KHDRBS2: variants seen among roughly 807,000 people sequenced by gnomAD.
KHDRBS2 encodes the protein KH domain-containing, RNA-binding, signal transduction-associated protein 2.
KHDRBS2 carries 26 observed loss-of-function variants against 44.3 expected under a neutral mutation model. The ratio of observed to expected loss-of-function variants is 0.59; its 90% CI spans 0.43 to 0.81. The LOEUF is 0.81. Among genes scored for constraint, KHDRBS2 ranks in the 40% least tolerant of loss-of-function variants. The probability of loss-of-function intolerance (pLI) is 0.00; values close to 1 mark genes in which losing one functional copy is unlikely to be tolerated. For missense variants in KHDRBS2, 476 were observed against 433.1 expected, an observed-to-expected ratio of 1.10 and a Z score of -0.88; for synonymous variants, 194 against 151.1, an observed-to-expected ratio of 1.28 and a Z score of -2.08.
At chr6:61,950,225 T>G (rs1448031615) in intron 4 of KHDRBS2, among the ~76,000 whole-genome samples, 1 of 152,086 alleles carries the variant, frequency 6.6e-6, no homozygotes, top group Non-Finnish European at 1.5e-5. Context: ...TTGGATACAG[T>G]ACAGCTCCAA....
At chr6:61,826,496 A>G (rs1347831766) in intron 6 of KHDRBS2, among the ~76,000 whole-genome samples, 1 of 151,814 alleles carries the variant, frequency 6.6e-6, no homozygotes, top group African/African-American at 2.4e-5. Context: ...CCTTTCAGAG[A>G]AGGGGTTTTA....
chr6:62,072,609 T>A (rs1193440898), intron 2 of KHDRBS2, among the ~76,000 whole-genome samples: 1 of 152,226 alleles, frequency 6.6e-6, no homozygotes, highest in Non-Finnish European at 1.5e-5. Context: ...CATGTGGTTT[T>A]TGTCTTTGGT....
At position 61,697,257 on chromosome 6, in the gene KHDRBS2, C is replaced by T. The variant is rs769042108; in HGVS notation, c.894-4G>A. ...GTAGTCATAGTATTCAGGCACACTG[C>T]AACAAATTTAGATAGCAATCAATGT... On this transcript the variant is annotated splice_region_variant and splice_polypyrimidine_tract_variant and intron_variant, in intron 7 of 8. Transcript: ENST00000281156. The T allele has an allele frequency of 1.3e-6, 2 of 1,591,686 alleles. No individual in the cohort carries two copies. Among genetic ancestry groups the T allele is most frequent in the Non-Finnish European group, 1.7e-6 (2 of 1,159,864 alleles).
chr6:62,268,288 T>G (rs1447568066), intron 1 of KHDRBS2, among the ~76,000 whole-genome samples: 3 of 152,046 alleles, frequency 2.0e-5, no homozygotes, highest in Non-Finnish European at 4.4e-5. Flanking sequence ...TCTAGATCAT[T>G]GTTAAATCTT....
intron 1 of KHDRBS2, among the ~76,000 whole-genome samples, chr6:62,228,444 T>C (rs1035315508): frequency 3.9e-5 from 6 of 152,158 alleles, no homozygotes; most frequent in African/African-American, 1.4e-4. Flanking sequence ...TAGGAGTCTA[T>C]CTGTTTTGTT....
intron 6 of KHDRBS2, among the ~76,000 whole-genome samples, chr6:61,787,799 C>G (rs1442799308): frequency 6.6e-6 from 1 of 151,614 alleles, no homozygotes; most frequent in African/African-American, 2.4e-5. Flanking sequence ...TGTAATGTTA[C>G]TTTTATAGAT....
intron 4 of KHDRBS2, among the ~76,000 whole-genome samples, chr6:61,961,419 GAA>G (rs1171115194): frequency 4.7e-5 from 7 of 149,478 alleles, no homozygotes; most frequent in African/African-American, 1.2e-4. Context: ...GAGAAAGAAG[GAA>G]GAGAGAGAGA....
chr6:61,753,968 C>A (rs1778114171), intron 6 of KHDRBS2, among the ~76,000 whole-genome samples: 1 of 151,946 alleles, frequency 6.6e-6, no homozygotes, highest in African/African-American at 2.4e-5. Context: ...TGTGATGCAG[C>A]CACAGCCAAG....
chr6:61,568,281 T>A, the KHDRBS2 span, among the ~76,000 whole-genome samples: 1 of 152,196 alleles, frequency 6.6e-6, no homozygotes. Context: ...AGTGATGCCT[T>A]CCACTTCATT....
intron 4 of KHDRBS2, among the ~76,000 whole-genome samples, chr6:61,904,905 G>A (rs1053096158): frequency 6.6e-6 from 1 of 152,128 alleles, no homozygotes; most frequent in African/African-American, 2.4e-5. Flanking sequence ...ATAGGCTGCT[G>A]ATAAAATCAA....
chr6:61,693,682 G>T (rs1233717292), intron 8 of KHDRBS2, among the ~76,000 whole-genome samples: 1 of 152,040 alleles, frequency 6.6e-6, no homozygotes, highest in Non-Finnish European at 1.5e-5. Context: ...TCTATGTGCA[G>T]AAAATTTCTT....
At chr6:61,856,120 C>T (rs1207688929) in intron 6 of KHDRBS2, among the ~76,000 whole-genome samples, 1 of 152,018 alleles carries the variant, frequency 6.6e-6, no homozygotes, top group Non-Finnish European at 1.5e-5. Context: ...CAGTGTTTTC[C>T]CATCTCCCAG....
At chr6:62,073,142 A>T (rs1352781838) in intron 2 of KHDRBS2, among the ~76,000 whole-genome samples, 2 of 151,928 alleles carry the variant, frequency 1.3e-5, no homozygotes, top group Non-Finnish European at 2.9e-5. Flanking sequence ...TGAACATTTT[A>T]TTTAATTCTT....
At chr6:61,818,355 T>A (rs1040934987) in intron 6 of KHDRBS2, among the ~76,000 whole-genome samples, 5 of 150,672 alleles carry the variant, frequency 3.3e-5, no homozygotes, top group African/African-American at 1.2e-4. Context: ...CAAGAAGTTA[T>A]TGAAATTTAA....
At chr6:61,813,133 C>A (rs1160823448) in intron 6 of KHDRBS2, among the ~76,000 whole-genome samples, 2 of 151,708 alleles carry the variant, frequency 1.3e-5, no homozygotes, top group African/African-American at 4.8e-5. Context: ...TTAAGAAAAT[C>A]AAATATAAGA....
chr6:61,581,770 A>C, the KHDRBS2 span, among the ~76,000 whole-genome samples: 1 of 151,326 alleles, frequency 6.6e-6, no homozygotes, highest in African/African-American at 2.4e-5. Flanking sequence ...ATATAGTATT[A>C]AAATGGAGAA....
At chr6:62,108,572 T>C (rs561688368) in intron 2 of KHDRBS2, among the ~76,000 whole-genome samples, 2 of 152,246 alleles carry the variant, frequency 1.3e-5, no homozygotes, top group Admixed American at 1.3e-4. Context: ...AGAAATACCA[T>C]TTGACCCAGC....
chr6:61,992,619 G>C (rs1030171373), intron 3 of KHDRBS2, among the ~76,000 whole-genome samples: 2 of 152,040 alleles, frequency 1.3e-5, no homozygotes, highest in South Asian at 2.1e-4. Context: ...GTTTGTGCGC[G>C]CGTGCGCACG....
intron 2 of KHDRBS2, among the ~76,000 whole-genome samples, chr6:62,051,801 C>A (rs772533176): frequency 6.6e-6 from 1 of 151,576 alleles, no homozygotes; most frequent in Non-Finnish European, 1.5e-5. Flanking sequence ...GCAGAAAAAC[C>A]GATTTAAAAA....
Sources: allele counts gnomAD v4.1 joint callset (sites outside exome capture counted in the v4.1 genomes callset), GRCh38; gene constraint gnomAD v4.1.1; transcripts MANE v1.5; gene names NCBI Gene and HGNC (gene_info 2026-07-23, HGNC 2026-07-21).